The following NRG1 variants were observed in gnomAD, a reference collection of about 807,000 sequenced individuals.
NRG1 encodes neuregulin 1, also known as pro-neuregulin-1, membrane-bound isoform.
A neutral mutation model predicts 63.8 loss-of-function variants in NRG1; 18 were observed. The ratio of observed to expected loss-of-function variants is 0.28; its 90% CI spans 0.19 to 0.42. NRG1 has a LOEUF of 0.42. NRG1 is among the 10% of genes least tolerant of loss of function. NRG1 has a pLI of 1.00. For synonymous variants in NRG1, 302 were observed against 301.3 expected (o/e 1.00, Z -0.02); for missense variants, 762 against 814.7 (o/e 0.94, Z 0.79).
intron 1 of NRG1, among the ~76,000 whole-genome samples, chr8:31,694,814 A>G (rs990930776): frequency 3.3e-5 from 5 of 152,182 alleles, no homozygotes; most frequent in African/African-American, 4.8e-5. Context: ...TTGTTGAAGA[A>G]ATGTTTTAGA....
rs150202882 is a variant in NRG1, at chr8:32,410,878, A to AT, written c.38-184934dup. Among the ~76,000 whole-genome samples the AT allele has an allele frequency of 6.5e-3, 928 of 141,844 alleles. 8 individuals carry two copies. Among genetic ancestry groups the AT allele is most frequent in the Non-Finnish European group, 8.5e-3 (555 of 64,960 alleles). 93.1% of individuals were successfully genotyped at this position (141,844 alleles called of 152,430 possible). A position where few individuals can be genotyped will look rare whatever the true frequency, so the allele number is the denominator to read the frequency against. ...ACAGGCTTAAGTGATCACAACCCAC[A>AT]TTTTTTTTTTTTTTTTGAGATGGAG... On this transcript the variant is annotated intron_variant, in intron 1 of 10. Transcript: ENST00000519301.
intron 1 of NRG1, among the ~76,000 whole-genome samples, chr8:31,752,317 G>A (rs991780943): frequency 5.3e-5 from 8 of 152,038 alleles, no homozygotes; most frequent in African/African-American, 1.9e-4. Context: ...AGCTAAGTGG[G>A]CAAGATGATT....
chr8:32,370,338 T>A (rs1475468355), intron 1 of NRG1, among the ~76,000 whole-genome samples: 1 of 152,194 alleles, frequency 6.6e-6, no homozygotes, highest in African/African-American at 2.4e-5. Flanking sequence ...GCAGATAATG[T>A]GTCCAAGTAA....
At chr8:31,830,689 TC>T (rs758185937) in intron 1 of NRG1, among the ~76,000 whole-genome samples, 33 of 152,212 alleles carry the variant, frequency 2.2e-4, no homozygotes, top group Non-Finnish European at 3.1e-4. Context: ...CATGAGCATC[TC>T]ATTCCTTATT....
intron 1 of NRG1, among the ~76,000 whole-genome samples, chr8:32,534,411 A>T (rs1831755405): frequency 6.6e-6 from 1 of 152,130 alleles, no homozygotes; most frequent in Non-Finnish European, 1.5e-5. Flanking sequence ...TTTTCTTAAA[A>T]AAATAGTAAA....
At chr8:32,368,990 T>C (rs770805459) in intron 1 of NRG1, among the ~76,000 whole-genome samples, 1 of 152,364 alleles carries the variant, frequency 6.6e-6, no homozygotes, top group Non-Finnish European at 1.5e-5. Flanking sequence ...ATGTGTATGA[T>C]ACATGTGCAA....
intron 1 of NRG1, among the ~76,000 whole-genome samples, chr8:31,721,178 A>C (rs1265005381): frequency 6.6e-6 from 1 of 151,976 alleles, no homozygotes; most frequent in Non-Finnish European, 1.5e-5. Context: ...TTTTTTCTTG[A>C]AAAGTGGATT....
intron 1 of NRG1, among the ~76,000 whole-genome samples, chr8:31,962,659 T>C (rs1805651778): frequency 6.6e-6 from 1 of 152,174 alleles, no homozygotes; most frequent in African/African-American, 2.4e-5. Flanking sequence ...GGGAACCAGT[T>C]CGGATTAAAC....
intron 1 of NRG1, among the ~76,000 whole-genome samples, chr8:31,849,407 T>C (rs1343438300): frequency 6.6e-6 from 1 of 152,222 alleles, no homozygotes; most frequent in Non-Finnish European, 1.5e-5. Context: ...CTAGTGCTTT[T>C]AGGAGAGAAT....
intron 1 of NRG1, among the ~76,000 whole-genome samples, chr8:31,980,885 A>T (rs1484893476): frequency 6.6e-6 from 1 of 152,074 alleles, no homozygotes; most frequent in East Asian, 1.9e-4. Context: ...TCTTCTTGAA[A>T]TAAAAATTAT....
chr8:32,404,270 G>A (rs1813642872), intron 1 of NRG1, among the ~76,000 whole-genome samples: 1 of 152,082 alleles, frequency 6.6e-6, no homozygotes, highest in Non-Finnish European at 1.5e-5. Flanking sequence ...AAAGGGGCGG[G>A]GGTAATGACA....
At chr8:31,684,542 G>A (rs1441831634) in intron 1 of NRG1, among the ~76,000 whole-genome samples, 1 of 152,114 alleles carries the variant, frequency 6.6e-6, no homozygotes, top group Non-Finnish European at 1.5e-5. Context: ...TTATGCAGAA[G>A]GAACAGACTA....
chr8:32,462,043 G>A (rs1374306333), intron 1 of NRG1, among the ~76,000 whole-genome samples: 2 of 152,036 alleles, frequency 1.3e-5, no homozygotes, highest in African/African-American at 2.4e-5. Flanking sequence ...TCTTTCTTCT[G>A]GTGTAAAGTC....
At chr8:32,516,065 A>G (rs1353844618) in intron 1 of NRG1, among the ~76,000 whole-genome samples, 1 of 152,198 alleles carries the variant, frequency 6.6e-6, no homozygotes, top group Non-Finnish European at 1.5e-5. Flanking sequence ...TTAAATATTT[A>G]ATTCATCTTA....
intron 1 of NRG1, among the ~76,000 whole-genome samples, chr8:32,584,531 G>A (rs1841284859): frequency 6.6e-6 from 1 of 152,134 alleles, no homozygotes; most frequent in South Asian, 2.1e-4. Flanking sequence ...GCCTCAACGA[G>A]TAAAGAAGGC....
At chr8:32,627,568 A>C (rs1849519406) in intron 5 of NRG1, among the ~76,000 whole-genome samples, 1 of 152,188 alleles carries the variant, frequency 6.6e-6, no homozygotes, top group Non-Finnish European at 1.5e-5. Context: ...CCTCAGCCCC[A>C]AAGTGCTGGG....
At chr8:32,575,294 A>G (rs964641296) in intron 1 of NRG1, among the ~76,000 whole-genome samples, 13 of 152,192 alleles carry the variant, frequency 8.5e-5, no homozygotes, top group Admixed American at 5.9e-4. Context: ...TTCATGTTCA[A>G]TTGCCTTGTG....
At chr8:32,150,646 T>C (rs1314897502) in intron 1 of NRG1, among the ~76,000 whole-genome samples, 1 of 152,168 alleles carries the variant, frequency 6.6e-6, no homozygotes, top group Non-Finnish European at 1.5e-5. Context: ...ATTTTATTTC[T>C]AAATGACTCA....
intron 1 of NRG1, among the ~76,000 whole-genome samples, chr8:32,586,856 G>A (rs1841707376): frequency 6.6e-6 from 1 of 152,124 alleles, no homozygotes. Context: ...ACAGTTAAGG[G>A]AGCAAACCAG....
Sources: gnomAD v4.1 joint callset for allele counts (sites outside exome capture counted in the v4.1 genomes callset) on GRCh38, gnomAD v4.1.1 for gene constraint, MANE v1.5 for transcripts, NCBI Gene and HGNC (gene_info 2026-07-23, HGNC 2026-07-21) for gene names.